The following FRMPD1 variants were observed in gnomAD, a reference collection of about 807,000 sequenced individuals.
FRMPD1 encodes the protein FERM and PDZ domain-containing protein 1.
Under a neutral mutation model 117.8 loss-of-function variants are expected in FRMPD1, and 76 were observed. The ratio of observed to expected loss-of-function variants is 0.65; its 90% CI spans 0.54 to 0.78. The LOEUF (loss-of-function observed/expected upper bound fraction) is 0.78. Ranked by LOEUF, FRMPD1 falls within the 30% of genes least tolerant of loss-of-function variation. The probability of loss-of-function intolerance (pLI) is 0.00; values close to 1 mark genes in which losing one functional copy is unlikely to be tolerated. For synonymous variants in FRMPD1, 783 were observed against 770.4 expected, an observed-to-expected ratio of 1.02 and a Z score of -0.27; for missense variants, 1,786 against 1,964.5, an observed-to-expected ratio of 0.91 and a Z score of 1.72.
rs1218266291 is a variant in FRMPD1 at position 37,744,684 on chromosome 9, G to T, written c.2652G>T (p.Val884=). The change falls in exon 16 of 16, where the codon GTG becomes GTT. Residue 884 remains valine (V), a synonymous_variant. Transcript: ENST00000377765. ...YLALGAPSPT[V]SSLQDMQGEP... ...CCCTTGGTGCACCCTCCCCAACTGTGTCCTCTCTGCAGGACATGCAGGGTG... is the reference window on the plus strand; with the variant it reads ...CCCTTGGTGCACCCTCCCCAACTGTTTCCTCTCTGCAGGACATGCAGGGTG... 6.2e-7 allele frequency: 1 copy of T among 1,614,058 alleles called. No homozygotes were observed. Among genetic ancestry groups the T allele is most frequent in the Admixed American group, 1.7e-5 (1 of 60,022 alleles).
chr9:37,667,815 G>C (rs1475505255), intron 1 of FRMPD1, among the ~76,000 whole-genome samples: 2 of 152,102 alleles, frequency 1.3e-5, no homozygotes, highest in African/African-American at 4.8e-5. Flanking sequence ...TTGTCCATGA[G>C]CCGGCATGAG....
chr9:37,647,641 A>G (rs1292961396), upstream of FRMPD1, among the ~76,000 whole-genome samples: 1 of 152,216 alleles, frequency 6.6e-6, no homozygotes, highest in Non-Finnish European at 1.5e-5. Flanking sequence ...AGGAAGGCAA[A>G]AATAAATAAG....
At chr9:37,612,006 CA>C in the FRMPD1 span, among the ~76,000 whole-genome samples, 7 of 152,284 alleles carry the variant, frequency 4.6e-5, no homozygotes, top group Non-Finnish European at 8.8e-5. Context: ...GCCCTCAGCT[CA>C]GTGGTTCTTT....
Position 37,746,623 on chromosome 9 carries a change from T to C in FRMPD1, c.4591T>C (p.Tyr1531His), listed in dbSNP as rs1471659077. 4 of 1,613,806 alleles carry C rather than the reference T, an allele frequency of 2.5e-6. No individual in the cohort carries two copies. Among genetic ancestry groups the C allele is most frequent in the Non-Finnish European group, 3.4e-6 (4 of 1,179,704 alleles). ...GAACCTGAGGGATGTGGTGTACACC[T>C]ACCATCAGTTTATAGAGGCTGCTAA... ...AGNLRDVVYT[Y>H]HQFIEAAKST... is the part of the protein sequence containing the mutation. The change falls in exon 16 of 16, where the codon TAC becomes CAC. Residue 1531 changes from tyrosine (Y) to histidine (H), a missense_variant. Tyr to His is a moderately conservative substitution (Grantham distance 83, BLOSUM62 2). Transcript: ENST00000377765.
At chr9:37,700,571 A>G (rs10511939) in intron 2 of FRMPD1, among the ~76,000 whole-genome samples, 6,908 of 152,328 alleles carry the variant, frequency 0.045, 520 homozygotes, top group East Asian at 0.37. Context: ...ATTTTCCAAC[A>G]TATCAGAGAG....
the FRMPD1 span, among the ~76,000 whole-genome samples, chr9:37,642,747 T>A: frequency 6.6e-6 from 1 of 152,226 alleles, no homozygotes; most frequent in Non-Finnish European, 1.5e-5. Context: ...AAATATCCAT[T>A]CTGCCAATCT....
chr9:37,642,688 A>T, the FRMPD1 span, among the ~76,000 whole-genome samples: 7 of 152,116 alleles, frequency 4.6e-5, no homozygotes, highest in South Asian at 2.1e-4. Context: ...AGCTCATGAC[A>T]TTTACTCTTT....
intron 2 of FRMPD1, among the ~76,000 whole-genome samples, chr9:37,698,411 T>C (rs562480854): frequency 6.0e-4 from 91 of 152,268 alleles, no homozygotes; most frequent in African/African-American, 1.9e-3. Flanking sequence ...CTTTATTGTA[T>C]GTGAAATTCT....
At chr9:37,619,964 C>T in the FRMPD1 span, among the ~76,000 whole-genome samples, 1 of 151,746 alleles carries the variant, frequency 6.6e-6, no homozygotes, top group Non-Finnish European at 1.5e-5. Flanking sequence ...TTTCTATCCT[C>T]CCCCACATCC....
Position 37,733,622 on chromosome 9 carries a change from C to T in FRMPD1, c.1122+23C>T, listed in dbSNP as rs756277147. The T allele has an allele frequency of 4.3e-6, 7 of 1,612,818 alleles. No homozygotes were observed. In the Admixed American group the frequency reaches 5.0e-5, roughly 12 times the overall value. ...AAGGTAATGAAGGTGCCTCTGCCGA[C>T]CCACTCAGCTGTCGTCTGTGAAACC... On this transcript the variant is annotated intron_variant, in intron 11 of 15. Coordinates refer to ENST00000377765, the MANE Select transcript of FRMPD1 (RefSeq NM_014907.3).
intron 8 of FRMPD1, 114 bp downstream of exon 8, chr9:37,729,967 C>A: frequency 1.8e-6 from 2 of 1,135,282 alleles, no homozygotes; most frequent in South Asian, 1.5e-5. Flanking sequence ...TGCACTTTCT[C>A]TTGCCCCAGA....
chr9:37,683,138 A>G (rs1821788607), intron 1 of FRMPD1, among the ~76,000 whole-genome samples: 1 of 152,246 alleles, frequency 6.6e-6, no homozygotes, highest in African/African-American at 2.4e-5. Context: ...TGACATTTAT[A>G]TGAAATCATG....
At chr9:37,739,693 C>T (rs937521195) in intron 14 of FRMPD1, among the ~76,000 whole-genome samples, 8 of 152,182 alleles carry the variant, frequency 5.3e-5, no homozygotes, top group Non-Finnish European at 1.2e-4. Context: ...ATATGATTCC[C>T]CATCTGACTT....
At chr9:37,744,215 A>C (rs1050192346) in intron 15 of FRMPD1, among the ~76,000 whole-genome samples, 174 bp from the exon 16 acceptor site, 1 of 152,188 alleles carries the variant, frequency 6.6e-6, no homozygotes, top group Non-Finnish European at 1.5e-5. Context: ...AATCTGTCAC[A>C]ATTATTATCC....
At chr9:37,672,650 C>T (rs1821393376) in intron 1 of FRMPD1, among the ~76,000 whole-genome samples, 1 of 152,106 alleles carries the variant, frequency 6.6e-6, no homozygotes, top group African/African-American at 2.4e-5. Flanking sequence ...GAGATATGAG[C>T]CTGTATTAGT....
intron 1 of FRMPD1, among the ~76,000 whole-genome samples, chr9:37,675,884 T>A (rs2117878086): frequency 6.6e-6 from 1 of 152,318 alleles, no homozygotes; most frequent in East Asian, 1.9e-4. Context: ...CTGGTGTGTG[T>A]TCACCTGTCC....
At chr9:37,723,345 G>C (rs1039707834) in intron 6 of FRMPD1, among the ~76,000 whole-genome samples, 1 of 152,310 alleles carries the variant, frequency 6.6e-6, no homozygotes, top group East Asian at 1.9e-4. Flanking sequence ...AGTGCTATCA[G>C]TACGCTCGTA....
the FRMPD1 span, among the ~76,000 whole-genome samples, chr9:37,639,465 G>A: frequency 3.3e-5 from 5 of 152,092 alleles, no homozygotes; most frequent in African/African-American, 1.2e-4. Flanking sequence ...GGCCCTAGAA[G>A]TTTTCTGTAC....
chr9:37,603,704 GT>G, the FRMPD1 span, among the ~76,000 whole-genome samples: 1 of 152,030 alleles, frequency 6.6e-6, no homozygotes, highest in Non-Finnish European at 1.5e-5. Flanking sequence ...TTGAGACGGA[GT>G]TTTGCTCTTG....
Sources: gnomAD v4.1 joint callset for allele counts (sites outside exome capture counted in the v4.1 genomes callset) on GRCh38, gnomAD v4.1.1 for gene constraint, MANE v1.5 for transcripts, NCBI Gene and HGNC (gene_info 2026-07-23, HGNC 2026-07-21) for gene names.